Variants in DYRK1A observed in about 807,000 individuals in gnomAD.
DYRK1A encodes dual specificity tyrosine-phosphorylation-regulated kinase 1A.
DYRK1A carries 9 observed loss-of-function variants against 79.7 expected under a neutral mutation model. That is an observed-to-expected ratio of 0.11 (90% CI 0.07 to 0.20). DYRK1A has a LOEUF of 0.20. Among genes scored for constraint, DYRK1A ranks in the 10% least tolerant of loss-of-function variants. The pLI is 1.00. For synonymous variants in DYRK1A, 349 were observed against 329.7 expected, an observed-to-expected ratio of 1.06 and a Z score of -0.63; for missense variants, 622 against 956.0, an observed-to-expected ratio of 0.65 and a Z score of 4.61.
At chr21:37,379,512 G>A (rs1052230607) in intron 1 of DYRK1A, among the ~76,000 whole-genome samples, 1 of 152,170 alleles carries the variant, frequency 6.6e-6, no homozygotes, top group African/African-American at 2.4e-5. Context: ...TCCTACTGAG[G>A]ACCTGAAGGA....
intron 9 of DYRK1A, among the ~76,000 whole-genome samples, chr21:37,500,268 G>A (rs1262315821): frequency 6.6e-6 from 1 of 151,932 alleles, no homozygotes; most frequent in Non-Finnish European, 1.5e-5. Context: ...CTCCTGTTTT[G>A]TGGTAAAATG....
intron 3 of DYRK1A, among the ~76,000 whole-genome samples, chr21:37,476,008 CAAAT>C (rs2052380984): frequency 6.6e-6 from 1 of 152,134 alleles, no homozygotes; most frequent in Non-Finnish European, 1.5e-5. Context: ...CTTTGCTCAA[CAAAT>C]AGCCTAAAAA....
intron 1 of DYRK1A, chr21:37,375,225 A>G (rs550018011): frequency 4.6e-5 from 7 of 152,330 alleles, no homozygotes; most frequent in Non-Finnish European, 7.4e-5. Flanking sequence ...ACTCAAGTGA[A>G]TGTTTAAAGG....
chr21:37,438,217 C>T (rs982877671), intron 2 of DYRK1A, among the ~76,000 whole-genome samples: 4 of 152,072 alleles, frequency 2.6e-5, no homozygotes, highest in Admixed American at 2.6e-4. Flanking sequence ...GATACAAATC[C>T]TTTATCAAAT....
At chr21:37,454,085 C>CTTTTTGTTTT (rs2051550874) in intron 2 of DYRK1A, among the ~76,000 whole-genome samples, 1 of 59,614 alleles carries the variant, frequency 1.7e-5, no homozygotes, top group Non-Finnish European at 2.9e-5. Context: ...ATGTAGTCTC[C>CTTTTTGTTTT]TTTTTTTTTT....
At position 37,454,085 on chromosome 21, in the gene DYRK1A, C is replaced by CTTTTTTTTTTTTTTT. The variant is rs571859735; in HGVS notation, c.11-18588_11-18574dup. 5.7e-4 allele frequency among the ~76,000 whole-genome samples: 34 copies of CTTTTTTTTTTTTTTT among 59,630 alleles called. 3 individuals carry two copies. The highest frequency in any genetic ancestry group is 1.2e-3 in the East Asian group (2 of 1,616). The allele number at this position is 59,630 out of a possible 152,430, so 39.1% of individuals were successfully genotyped here. A position where few individuals can be genotyped will look rare whatever the true frequency, so the allele number is the denominator to read the frequency against. On this transcript the variant is annotated intron_variant, in intron 2 of 11. Coordinates refer to ENST00000647188, the MANE Select transcript of DYRK1A (RefSeq NM_001347721.2). The stretch of plus-strand genomic sequence containing the variant: ...CTTTCATATTATGAGATGTAGTCTC[C>CTTTTTTTTTTTTTTT]TTTTTTTTTTTTTTTTTTTTTTTTT...
At chr21:37,466,902 G>A (rs561334617) in intron 2 of DYRK1A, among the ~76,000 whole-genome samples, 134 of 152,108 alleles carry the variant, frequency 8.8e-4, no homozygotes, top group African/African-American at 3.1e-3. Flanking sequence ...CAATGTTGAG[G>A]TGAAGAGGAT....
chr21:37,472,376 A>G (rs1002616456), intron 2 of DYRK1A, among the ~76,000 whole-genome samples: 10 of 152,178 alleles, frequency 6.6e-5, no homozygotes, highest in Non-Finnish European at 5.9e-5. Flanking sequence ...TTTAACTTGT[A>G]TTATGGTTCT....
In DYRK1A at chr21:37,519,098, A is replaced by G. The variant is rs531685701; in HGVS notation, c.*6567A>G. The G allele has an allele frequency of 6.6e-6, 1 of 152,288 alleles. No homozygotes were observed. The highest frequency in any genetic ancestry group is 6.5e-5 in the Admixed American group (1 of 15,302). The allele number at this position is 152,288 out of a possible 1,614,324, so 9.4% of individuals were successfully genotyped here. ...CTTTTTGTTGTCTTCCCTTGTGGAG[A>G]TGGGTCAGTGTAACATCCTATTCAT... On this transcript the variant is annotated 3_prime_UTR_variant, in exon 12 of 12. Transcript: ENST00000647188.
intron 1 of DYRK1A, chr21:37,418,760 T>G (rs1382256405): frequency 6.6e-6 from 1 of 152,196 alleles, no homozygotes; most frequent in Non-Finnish European, 1.5e-5. Flanking sequence ...ATCCATCTAG[T>G]CATACACCCC....
At chr21:37,475,258 TC>T (rs1033571992) in intron 3 of DYRK1A, among the ~76,000 whole-genome samples, 106 of 152,242 alleles carry the variant, frequency 7.0e-4, no homozygotes, top group African/African-American at 2.2e-3. Flanking sequence ...GCAAAAGGGG[TC>T]ATTTCTGCAG....
chr21:37,510,263 G>T (rs1370076000), intron 11 of DYRK1A, among the ~76,000 whole-genome samples: 1 of 152,184 alleles, frequency 6.6e-6, no homozygotes, highest in Non-Finnish European at 1.5e-5. Flanking sequence ...TTCTAATCCA[G>T]TAACTTGATT....
intron 2 of DYRK1A, among the ~76,000 whole-genome samples, chr21:37,445,577 C>T (rs1312040912): frequency 6.6e-6 from 1 of 152,084 alleles, no homozygotes; most frequent in Non-Finnish European, 1.5e-5. Context: ...GATAGTCTTT[C>T]CATGGGAGTG....
intron 4 of DYRK1A, among the ~76,000 whole-genome samples, chr21:37,480,300 C>T (rs573988688): frequency 2.4e-4 from 36 of 152,116 alleles, no homozygotes; most frequent in Non-Finnish European, 4.6e-4. Context: ...CATTTGGTAA[C>T]TTTTGTCAAA....
intron 2 of DYRK1A, among the ~76,000 whole-genome samples, chr21:37,462,078 T>C (rs1457896651): frequency 6.6e-6 from 1 of 152,184 alleles, no homozygotes; most frequent in Admixed American, 6.5e-5. Context: ...CCTTATTTTG[T>C]CCATGTTTTC....
rs1012084149 is a variant in DYRK1A at position 37,514,531 on chromosome 21, T to C, written c.*2000T>C. The C allele has an allele frequency of 3.9e-5, 6 of 152,764 alleles. No individual in the cohort carries two copies. The highest frequency in any genetic ancestry group is 6.5e-5 in the Admixed American group (1 of 15,308). 9.5% of individuals were successfully genotyped at this position (152,764 alleles called of 1,614,324 possible). A position where few individuals can be genotyped will look rare whatever the true frequency, so the allele number is the denominator to read the frequency against. On this transcript the variant is annotated 3_prime_UTR_variant, in exon 12 of 12. Coordinates refer to ENST00000647188, the MANE Select transcript of DYRK1A (RefSeq NM_001347721.2). ...TGTGGCTGACTAGGTCAATTTTTTT[T>C]CTGAACAAAAGCAGGTTTTTATATG...
chr21:37,416,885 TA>T (rs1203079225), intron 1 of DYRK1A, among the ~76,000 whole-genome samples: 1 of 152,114 alleles, frequency 6.6e-6, no homozygotes, highest in Non-Finnish European at 1.5e-5. Context: ...AATGAAGTAA[TA>T]AAAAACAACT....
At chr21:37,471,665 G>T (rs1247259303) in intron 2 of DYRK1A, among the ~76,000 whole-genome samples, 1 of 152,140 alleles carries the variant, frequency 6.6e-6, no homozygotes, top group East Asian at 1.9e-4. Context: ...GGTAGTGCTG[G>T]GATCTCCAAC....
chr21:37,459,672 C>T (rs565002729), intron 2 of DYRK1A, among the ~76,000 whole-genome samples: 196 of 152,260 alleles, frequency 1.3e-3, no homozygotes, highest in Non-Finnish European at 1.1e-3. Flanking sequence ...TTCTATGTAA[C>T]GTTCTGTTTT....
Sources: gnomAD v4.1 joint callset for allele counts (sites outside exome capture counted in the v4.1 genomes callset) on GRCh38, gnomAD v4.1.1 for gene constraint, MANE v1.5 for transcripts, NCBI Gene and HGNC (gene_info 2026-07-23, HGNC 2026-07-21) for gene names.